SPARCL1: variants seen among roughly 807,000 people sequenced by gnomAD.
The protein encoded by SPARCL1 is SPARC like 1.
A neutral mutation model predicts 67.1 loss-of-function variants in SPARCL1; 52 were observed. The observed-to-expected ratio is 0.78, with a 90% CI of 0.62 to 0.98. SPARCL1 has a LOEUF of 0.98. Ranked by LOEUF, SPARCL1 falls within the 50% of genes least tolerant of loss-of-function variation. The pLI is 0.00. For synonymous variants in SPARCL1, 226 were observed against 267.8 expected (o/e 0.84, Z 1.52); for missense variants, 717 against 782.4 (o/e 0.92, Z 1.00).
At chr4:87,502,423 TCTC>T (rs1432836879) in intron 1 of SPARCL1, among the ~76,000 whole-genome samples, 3 of 152,322 alleles carry the variant, frequency 2.0e-5, no homozygotes, top group Non-Finnish European at 2.9e-5. Flanking sequence ...ATTCCTTTCT[TCTC>T]CTCACCCTTC....
intron 1 of SPARCL1, among the ~76,000 whole-genome samples, chr4:87,524,097 A>G (rs750561969): frequency 6.6e-6 from 1 of 152,264 alleles, no homozygotes; most frequent in African/African-American, 2.4e-5. Flanking sequence ...TCATAATTGC[A>G]TGACCTAGAA....
chr4:87,486,023 G>T (rs1246850892), intron 7 of SPARCL1, among the ~76,000 whole-genome samples: 1 of 151,960 alleles, frequency 6.6e-6, no homozygotes, highest in East Asian at 1.9e-4. Flanking sequence ...CCAGCTCCTA[G>T]GTTCATTGAT....
At chr4:87,506,111 T>C (rs1725061953) in intron 1 of SPARCL1, among the ~76,000 whole-genome samples, 1 of 152,116 alleles carries the variant, frequency 6.6e-6, no homozygotes, top group African/African-American at 2.4e-5. Flanking sequence ...TCTCCAGACA[T>C]TGCCAAATGT....
chr4:87,522,273 A>G (rs1454333867), intron 1 of SPARCL1, among the ~76,000 whole-genome samples: 2 of 151,980 alleles, frequency 1.3e-5, no homozygotes, highest in Non-Finnish European at 2.9e-5. Flanking sequence ...ATGACTTAAG[A>G]CTTTTCTGGG....
rs1164361164 is a variant in SPARCL1, at chr4:87,493,799, T to C, written c.1001A>G (p.Asn334Ser). ...ATCGCCATCATCATCAACTCCATGATTTCTGGGCGTGGTATTACCATCATC... is the reference window on the plus strand; with the variant it reads ...ATCGCCATCATCATCAACTCCATGACTTCTGGGCGTGGTATTACCATCATC... The part of the protein sequence containing the change: ...PTDDGNTTPR[N>S]HGVDDDGDDD... The change falls in exon 4 of 11, where the codon AAT becomes AGT. Residue 334 changes from asparagine (N) to serine (S), a missense_variant. Physicochemically the swap from Asn to Ser is conservative, Grantham distance 46. Transcript: ENST00000282470. 6.2e-7 allele frequency: 1 copy of C among 1,614,004 alleles called. No individual in the cohort carries two copies. The highest frequency in any genetic ancestry group is 8.5e-7 in the Non-Finnish European group (1 of 1,180,008).
At chr4:87,524,503 G>GT (rs1725956544) in intron 1 of SPARCL1, among the ~76,000 whole-genome samples, 3 of 152,160 alleles carry the variant, frequency 2.0e-5, no homozygotes, top group Admixed American at 2.0e-4. Flanking sequence ...TTCTAAAAAA[G>GT]TATAAAAGAA....
At chr4:87,499,398 G>C in intron 2 of SPARCL1, 123 bp downstream of exon 2, 2 of 875,440 alleles carry the variant, frequency 2.3e-6, no homozygotes, top group Non-Finnish European at 3.6e-6. Flanking sequence ...GGGCAATAAA[G>C]AATATAATTA....
intron 1 of SPARCL1, among the ~76,000 whole-genome samples, chr4:87,525,656 C>T (rs985804565): frequency 2.0e-5 from 3 of 152,106 alleles, no homozygotes; most frequent in Non-Finnish European, 4.4e-5. Flanking sequence ...TTTTAAAATA[C>T]CTATTCACTA....
chr4:87,514,625 T>G (rs948265384), intron 1 of SPARCL1, among the ~76,000 whole-genome samples: 3 of 152,242 alleles, frequency 2.0e-5, no homozygotes, highest in Admixed American at 2.0e-4. Context: ...AAACGCCTTG[T>G]GTTCTTCCAT....
chr4:87,501,425 G>A (rs761545291), intron 1 of SPARCL1, among the ~76,000 whole-genome samples: 2 of 151,996 alleles, frequency 1.3e-5, no homozygotes, highest in Non-Finnish European at 2.9e-5. Context: ...AATTTTTAAG[G>A]TATTGCATAT....
chr4:87,479,788 G>C (rs1723732854), intron 9 of SPARCL1, among the ~76,000 whole-genome samples: 1 of 152,164 alleles, frequency 6.6e-6, no homozygotes, highest in Non-Finnish European at 1.5e-5. Flanking sequence ...GTCTTCACAG[G>C]AACTGTCCTT....
chr4:87,520,982 G>T (rs911104684), intron 1 of SPARCL1, among the ~76,000 whole-genome samples: 1 of 152,144 alleles, frequency 6.6e-6, no homozygotes, highest in Non-Finnish European at 1.5e-5. Context: ...ATCATTCTCC[G>T]TCTAGATTTA....
At chr4:87,482,338 G>T in intron 8 of SPARCL1, 86 bp downstream of exon 8, 1 of 1,439,870 alleles carries the variant, frequency 6.9e-7, no homozygotes, top group Non-Finnish European at 9.5e-7. Context: ...TTGCCAGTAT[G>T]CAGAGGTAGG....
At chr4:87,479,279 G>T in intron 10 of SPARCL1, 151 bp downstream of exon 10, 1 of 749,282 alleles carries the variant, frequency 1.3e-6, no homozygotes, top group Non-Finnish European at 2.3e-6. Context: ...GACAGCATGT[G>T]CACCAAGGGA....
chr4:87,519,787 T>C (rs1410495461), intron 1 of SPARCL1, among the ~76,000 whole-genome samples: 1 of 152,206 alleles, frequency 6.6e-6, no homozygotes, highest in Non-Finnish European at 1.5e-5. Flanking sequence ...TCATAAAATA[T>C]CTATTTTCAT....
At chr4:87,474,399 A>AT (rs5860075) in intron 10 of SPARCL1, among the ~76,000 whole-genome samples, 299 of 150,048 alleles carry the variant, frequency 2.0e-3, no homozygotes, top group Admixed American at 6.9e-3. Context: ...ATGGACTTTG[A>AT]TTTTTTTTTT....
intron 10 of SPARCL1, among the ~76,000 whole-genome samples, chr4:87,476,298 A>G (rs1723580775): frequency 6.6e-6 from 1 of 152,072 alleles, no homozygotes; most frequent in East Asian, 1.9e-4. Flanking sequence ...ATATTGTCTT[A>G]TTTCCACATG....
chr4:87,480,526 A>G lies in SPARCL1; in HGVS notation c.1669-6T>C, dbSNP rs371230213. On this transcript the variant is annotated splice_region_variant and splice_polypyrimidine_tract_variant and intron_variant, in intron 8 of 10. Transcript: ENST00000282470. ...TCCAGGTAAATTTTCTTGACCTGGG[A>G]TTAGGAAGGCAGAAGACTGTCAGAG... 50 of 1,604,326 alleles carry G rather than the reference A, an allele frequency of 3.1e-5. No homozygotes were observed. The African/African-American group carries it at 3.4e-4, about 11-fold the overall frequency.
At chr4:87,476,580 A>T (rs1560809922) in intron 10 of SPARCL1, among the ~76,000 whole-genome samples, 1 of 152,166 alleles carries the variant, frequency 6.6e-6, no homozygotes. Flanking sequence ...GCTTAGGGGA[A>T]CTTGCGTCAT....
Sources: gnomAD v4.1 joint callset for allele counts (sites outside exome capture counted in the v4.1 genomes callset) on GRCh38, gnomAD v4.1.1 for gene constraint, MANE v1.5 for transcripts, NCBI Gene and HGNC (gene_info 2026-07-23, HGNC 2026-07-21) for gene names.